The following RIMS2 variants were observed in gnomAD, a reference collection of about 807,000 sequenced individuals.
The protein encoded by RIMS2 is regulating synaptic membrane exocytosis 2.
Under a neutral mutation model 174.4 loss-of-function variants are expected in RIMS2, and 59 were observed. The ratio of observed to expected loss-of-function variants is 0.34; its 90% CI spans 0.27 to 0.42. RIMS2 has a LOEUF of 0.42. Ranked by LOEUF, RIMS2 falls within the 10% of genes least tolerant of loss-of-function variation. RIMS2 has a pLI of 1.00. For missense variants in RIMS2, 1,620 were observed against 1,666.3 expected (o/e 0.97, Z 0.48); for synonymous variants, 606 against 572.5 (o/e 1.06, Z -0.84).
chr8:103,965,913 T>A (rs1242557381), intron 15 of RIMS2, among the ~76,000 whole-genome samples: 1 of 152,158 alleles, frequency 6.6e-6, no homozygotes, highest in East Asian at 1.9e-4. Context: ...CATGTGATTT[T>A]TTTTTATAGC....
intron 19 of RIMS2, among the ~76,000 whole-genome samples, chr8:104,104,406 A>T (rs370058218): frequency 6.6e-6 from 1 of 152,266 alleles, no homozygotes; most frequent in South Asian, 2.1e-4. Flanking sequence ...TTTATTGAGG[A>T]GTGGGAGTTT....
chr8:104,097,701 A>C (rs373263392), intron 19 of RIMS2, among the ~76,000 whole-genome samples: 1 of 152,202 alleles, frequency 6.6e-6, no homozygotes, highest in East Asian at 1.9e-4. Flanking sequence ...GGCACTCAGA[A>C]AGTTTTGGAT....
chr8:104,198,504 A>G (rs970432451), intron 19 of RIMS2, among the ~76,000 whole-genome samples: 4 of 152,252 alleles, frequency 2.6e-5, no homozygotes, highest in Admixed American at 6.5e-5. Flanking sequence ...CTGTGGATCA[A>G]TAACCAATGG....
chr8:103,525,745 A>G (rs1833680646), intron 1 of RIMS2, among the ~76,000 whole-genome samples: 1 of 152,170 alleles, frequency 6.6e-6, no homozygotes, highest in Non-Finnish European at 1.5e-5. Context: ...TTAATATGTA[A>G]TAGGCACTAT....
intron 19 of RIMS2, among the ~76,000 whole-genome samples, chr8:104,183,036 A>C (rs1230407456): frequency 6.6e-6 from 1 of 151,800 alleles, no homozygotes; most frequent in East Asian, 1.9e-4. Context: ...AAATGAATCC[A>C]TAAGGATATA....
chr8:104,049,239 G>A (rs1368980540), intron 19 of RIMS2, among the ~76,000 whole-genome samples: 1 of 151,820 alleles, frequency 6.6e-6, no homozygotes, highest in Non-Finnish European at 1.5e-5. Context: ...TGGCTAACAC[G>A]GTGAAACCCC....
chr8:103,940,875 C>CAAAAAAAA (rs11284715), intron 13 of RIMS2, among the ~76,000 whole-genome samples: 2 of 92,922 alleles, frequency 2.2e-5, no homozygotes, highest in Non-Finnish European at 4.3e-5. Context: ...GACTCCATCT[C>CAAAAAAAA]AAAAAAAAAA....
intron 19 of RIMS2, among the ~76,000 whole-genome samples, chr8:104,225,182 C>A (rs913258455): frequency 6.6e-6 from 1 of 152,166 alleles, no homozygotes; most frequent in Non-Finnish European, 1.5e-5. Context: ...CCCACAACAA[C>A]CTTATGAAGC....
chr8:104,208,384 A>G (rs992261968), intron 19 of RIMS2, among the ~76,000 whole-genome samples: 1 of 152,068 alleles, frequency 6.6e-6, no homozygotes, highest in Non-Finnish European at 1.5e-5. Context: ...CCTGGCCAAC[A>G]AGGTGAAACC....
intron 1 of RIMS2, among the ~76,000 whole-genome samples, chr8:103,638,482 A>G (rs1204412803): frequency 6.6e-6 from 1 of 151,926 alleles, no homozygotes. Context: ...TTATTTATTT[A>G]TCTATATCAG....
intron 1 of RIMS2, among the ~76,000 whole-genome samples, chr8:103,622,754 T>G (rs1442813530): frequency 6.6e-6 from 1 of 152,192 alleles, no homozygotes; most frequent in East Asian, 1.9e-4. Flanking sequence ...TGCTATCAAA[T>G]GGAGCACCAG....
At chr8:103,780,697 T>C (rs919371665) in intron 3 of RIMS2, among the ~76,000 whole-genome samples, 2 of 152,178 alleles carry the variant, frequency 1.3e-5, no homozygotes, top group African/African-American at 4.8e-5. Flanking sequence ...TTTTTTTATG[T>C]GAGAGAGCTC....
intron 19 of RIMS2, among the ~76,000 whole-genome samples, chr8:104,088,160 G>A (rs1192088568): frequency 2.0e-5 from 3 of 151,964 alleles, no homozygotes; most frequent in African/African-American, 4.8e-5. Flanking sequence ...ATCAGGCACT[G>A]ATAAGAGCCT....
intron 2 of RIMS2, among the ~76,000 whole-genome samples, chr8:103,702,351 T>C (rs911852884): frequency 6.6e-6 from 1 of 152,184 alleles, no homozygotes; most frequent in Non-Finnish European, 1.5e-5. Context: ...ATTGGATAGA[T>C]AATTTGTAAA....
In RIMS2 at chr8:104,138,758, C is replaced by G. The variant is rs146788336; in HGVS notation, c.3335-106158C>G. Among the ~76,000 whole-genome samples the G allele has an allele frequency of 7.2e-5, 11 of 152,194 alleles. 1 individual carries two copies. The highest frequency in any genetic ancestry group is 3.4e-3 in the Middle Eastern group (1 of 294). The stretch of plus-strand genomic sequence containing the variant: ...GTTGTTTCCTTTGCTGTGGCGGAAG[C>G]CTTTTAACCTGATGTGATCCCATTT... On this transcript the variant is annotated intron_variant, in intron 19 of 23. Transcript: ENST00000504942.
chr8:104,039,744 G>A (rs942192186), intron 19 of RIMS2, among the ~76,000 whole-genome samples: 1 of 151,782 alleles, frequency 6.6e-6, no homozygotes, highest in African/African-American at 2.4e-5. Flanking sequence ...TTAATAAACT[G>A]TGATTATCCT....
intron 1 of RIMS2, among the ~76,000 whole-genome samples, chr8:103,659,564 T>G (rs2136041360): frequency 6.6e-6 from 1 of 152,310 alleles, no homozygotes; most frequent in South Asian, 2.1e-4. Flanking sequence ...CCCTAGACTC[T>G]TCACTGCCTG....
At chr8:103,649,342 C>A (rs942456936) in intron 1 of RIMS2, among the ~76,000 whole-genome samples, 1 of 152,018 alleles carries the variant, frequency 6.6e-6, no homozygotes, top group Non-Finnish European at 1.5e-5. Context: ...TTGTAGGTGA[C>A]CTGGCCTTTC....
At chr8:104,031,776 C>G (rs1395786844) in intron 19 of RIMS2, among the ~76,000 whole-genome samples, 2 of 152,056 alleles carry the variant, frequency 1.3e-5, no homozygotes, top group African/African-American at 4.8e-5. Context: ...ACAGGTTTGT[C>G]AGGGTTTGGA....
Sources: gnomAD v4.1 joint callset for allele counts (sites outside exome capture counted in the v4.1 genomes callset) on GRCh38, gnomAD v4.1.1 for gene constraint, MANE v1.5 for transcripts, NCBI Gene and HGNC (gene_info 2026-07-23, HGNC 2026-07-21) for gene names.